Variants in DNAAF5 observed in about 807,000 individuals in gnomAD.
DNAAF5 encodes the protein HEAT repeat containing 2.
Under a neutral mutation model 75.8 loss-of-function variants are expected in DNAAF5, and 64 were observed. That is an observed-to-expected ratio of 0.84 (90% CI 0.69 to 1.04). DNAAF5 has a LOEUF of 1.04. Ranked by LOEUF, DNAAF5 falls within the 50% of genes least tolerant of loss-of-function variation. The pLI is 0.00. For missense variants in DNAAF5, 1,269 were observed against 1,178.5 expected (o/e 1.08, Z -1.12); for synonymous variants, 657 against 557.2 (o/e 1.18, Z -2.52).
At chr7:781,995 G>C (rs1189573338) in intron 12 of DNAAF5, among the ~76,000 whole-genome samples, 2 of 152,244 alleles carry the variant, frequency 1.3e-5, no homozygotes, top group African/African-American at 4.8e-5. Context: ...TGGAAGCTTT[G>C]GGCCTGGATG....
At position 779,895 on chromosome 7, in the gene DNAAF5, G is replaced by T. The variant is rs543204402; in HGVS notation, c.2240-58G>T. ...GTATGAACTAAATGCCTTTGTGGAC[G>T]TTTAGACGTGAAATGTCTGCTCTAG... On this transcript the variant is annotated intron_variant, in intron 11 of 12. Transcript: ENST00000297440. 5 of 1,475,940 alleles carry T rather than the reference G, an allele frequency of 3.4e-6. No individual in the cohort carries two copies. The South Asian group carries it at 6.2e-5, about 18-fold the overall frequency. The allele number at this position is 1,475,940 out of a possible 1,614,324, so 91.4% of individuals were successfully genotyped here. A position where few individuals can be genotyped will look rare whatever the true frequency, so the allele number is the denominator to read the frequency against.
rs1004087306 is a variant in DNAAF5, at chr7:777,390, T to G, written c.2239+2228T>G. On this transcript the variant is annotated intron_variant, in intron 11 of 12. Coordinates refer to ENST00000297440, the MANE Select transcript of DNAAF5 (RefSeq NM_017802.4). ...CAAAGTTACCTTTATTGAGGCGTGT[T>G]TAAGATCCTCAAAAAGCTAAAAGAA... is the stretch of plus-strand genomic sequence containing the variant. Among the ~76,000 whole-genome samples the G allele has an allele frequency of 3.3e-5, 5 of 152,092 alleles. No individual in the cohort carries two copies. The South Asian group carries it at 1.0e-3, about 32-fold the overall frequency.
intron 12 of DNAAF5, among the ~76,000 whole-genome samples, chr7:782,906 C>T (rs1279296900): frequency 1.3e-5 from 2 of 152,248 alleles, no homozygotes; most frequent in Non-Finnish European, 2.9e-5. Context: ...CTCGATCTTC[C>T]TGGCGTGGCC....
At chr7:738,261 A>G (rs1781796369) in intron 2 of DNAAF5, among the ~76,000 whole-genome samples, 1 of 152,074 alleles carries the variant, frequency 6.6e-6, no homozygotes, top group Non-Finnish European at 1.5e-5. Flanking sequence ...TTTCTGCTTG[A>G]TGCTTTTTAA....
In DNAAF5 at chr7:756,897, C is replaced by T; in HGVS notation, c.1373C>T (p.Ser458Phe). 1 of 1,612,932 alleles carries T rather than the reference C, an allele frequency of 6.2e-7. No individual in the cohort carries two copies. ...PSASGLLVLA[S>F]AMRGCPREAL... ...GCCTCCGGCCTCCTGGTGCTGGCCT[C>T]CGCCATGCGGGGTTGCCCCCGAGAA... The change falls in exon 6 of 13, where the codon TCC (serine) becomes TTC (phenylalanine). Residue 458 changes from serine (S) to phenylalanine (F), a missense_variant. Physicochemically the swap from Ser to Phe is radical, Grantham distance 155. Coordinates refer to ENST00000297440, the MANE Select transcript of DNAAF5 (RefSeq NM_017802.4).
At chr7:745,011 G>C (rs934144856) in intron 4 of DNAAF5, among the ~76,000 whole-genome samples, 1 of 152,172 alleles carries the variant, frequency 6.6e-6, no homozygotes, top group Non-Finnish European at 1.5e-5. Context: ...AATCCCACGC[G>C]TGCTGTGGTG....
At chr7:765,075 T>G (rs1475279843) in intron 8 of DNAAF5, among the ~76,000 whole-genome samples, 1 of 152,228 alleles carries the variant, frequency 6.6e-6, no homozygotes, top group Admixed American at 6.5e-5. Context: ...GAGCTGTGAC[T>G]GCACTGCTGC....
At chr7:775,185 A>G in intron 11 of DNAAF5, 23 bp downstream of exon 11, 1 of 1,612,330 alleles carries the variant, frequency 6.2e-7, no homozygotes, top group Middle Eastern at 1.7e-4. Context: ...TGTTGTTCAC[A>G]GCCTGTGTAT....
chr7:768,095 C>T (rs1411010860), intron 8 of DNAAF5, among the ~76,000 whole-genome samples: 2 of 140,874 alleles, frequency 1.4e-5, no homozygotes, highest in Non-Finnish European at 3.0e-5. Flanking sequence ...CGGGAGCTCG[C>T]GCTGGGAGCG....
At chr7:751,974 C>T (rs538666993) in intron 4 of DNAAF5, among the ~76,000 whole-genome samples, 3 of 152,174 alleles carry the variant, frequency 2.0e-5, no homozygotes, top group Non-Finnish European at 4.4e-5. Flanking sequence ...GCAAAGGACC[C>T]ACAGCTGCCG....
chr7:785,719 C>T lies in DNAAF5; in HGVS notation c.*66C>T. ...GAGCCAGAGTTTGTGGCCTTTAAAT[C>T]TCATAAACAAGGCACCTCTGTGCCA... On this transcript the variant is annotated 3_prime_UTR_variant, in exon 13 of 13. Transcript: ENST00000297440. 4 of 1,571,466 alleles carry T rather than the reference C, an allele frequency of 2.5e-6. No homozygotes were observed. Among genetic ancestry groups the T allele is most frequent in the Non-Finnish European group, 3.5e-6 (4 of 1,155,972 alleles).
chr7:746,414 C>CCCTGTCCAGCG (rs1782109291), intron 4 of DNAAF5, among the ~76,000 whole-genome samples: 1 of 80,272 alleles, frequency 1.2e-5, no homozygotes, highest in African/African-American at 6.6e-5. Flanking sequence ...TACCGTCCTG[C>CCCTGTCCAGCG]TGCCCCCCAC....
At chr7:734,830 T>G (rs961726626) in intron 2 of DNAAF5, among the ~76,000 whole-genome samples, 7 of 152,258 alleles carry the variant, frequency 4.6e-5, no homozygotes, top group African/African-American at 1.7e-4. Context: ...TATCCATTTC[T>G]TCTAGGTTTT....
At chr7:770,703 CA>C (rs1778530416) in intron 9 of DNAAF5, 85 bp downstream of exon 9, 2 of 1,311,744 alleles carry the variant, frequency 1.5e-6, no homozygotes, top group African/African-American at 2.9e-5. Flanking sequence ...GCTCACTGAG[CA>C]AGGGGGTTCC....
chr7:785,630 C>G lies in DNAAF5; in HGVS notation c.2545C>G (p.Gln849Glu), dbSNP rs1233386407. The G allele has an allele frequency of 1.9e-6, 3 of 1,612,960 alleles. No homozygotes were observed. The highest frequency in any genetic ancestry group is 1.7e-6 in the Non-Finnish European group (2 of 1,179,988). Residue 849 changes from glutamine to glutamate, a missense_variant, in exon 13 of 13, where the codon CAG becomes GAG. Gln to Glu is a conservative substitution (Grantham distance 29). Coordinates refer to ENST00000297440, the MANE Select transcript of DNAAF5 (RefSeq NM_017802.4). ...CTGCGAGCAGCTCCTGCAGCATGTG[C>G]AGGCCGTGCCAGCCACACAGTGACC... Reference protein sequence around the residue: ...TYCEQLLQHVQAVPATQ With the variant: ...TYCEQLLQHVEAVPATQ
chr7:739,325 C>A (rs776130678), intron 2 of DNAAF5, among the ~76,000 whole-genome samples: 1 of 152,138 alleles, frequency 6.6e-6, no homozygotes, highest in African/African-American at 2.4e-5. Context: ...GTGGCAGGTG[C>A]GGCCGTGGCA....
rs1236507476 is a variant in DNAAF5, at chr7:743,931, T to TTTTTA, written c.1024+2479_1024+2483dup. ...TTATTTTTTTATTATTTATTATTTA[T>TTTTTA]TTTTATTTTATTTTATTATTATTAT... On this transcript the variant is annotated intron_variant, in intron 4 of 12. Transcript: ENST00000297440. Among the ~76,000 whole-genome samples, 6 of 150,416 alleles carry TTTTTA rather than the reference T, an allele frequency of 4.0e-5. No individual in the cohort carries two copies. In the South Asian group the frequency reaches 6.2e-4, roughly 16 times the overall value.
At chr7:732,204 T>C (rs1217116356) in intron 2 of DNAAF5, among the ~76,000 whole-genome samples, 1 of 152,130 alleles carries the variant, frequency 6.6e-6, no homozygotes, top group Non-Finnish European at 1.5e-5. Context: ...GTGTCTGAAG[T>C]TGTGGAAAGG....
Position 775,098 on chromosome 7 carries a change from CA to C in DNAAF5, c.2177del (p.Asn726ThrfsTer4). ...MTRLISCRII[N>X]TFLKTSGGMT... ...CGCGACTGATCTCATGCCGTATTATCAACACGTTCTTAAAAACCTCGGGCGG... is the reference window on the plus strand; with the variant it reads ...CGCGACTGATCTCATGCCGTATTATCACACGTTCTTAAAAACCTCGGGCGG... On this transcript the variant is annotated frameshift_variant, in exon 11 of 13. Transcript: ENST00000297440. LOFTEE classifies it high-confidence loss of function. 1 of 1,614,072 alleles carries C rather than the reference CA, an allele frequency of 6.2e-7. No homozygotes were observed. The highest frequency in any genetic ancestry group is 8.5e-7 in the Non-Finnish European group (1 of 1,179,994).
Sources: allele counts gnomAD v4.1 joint callset (sites outside exome capture counted in the v4.1 genomes callset), GRCh38; gene constraint gnomAD v4.1.1; transcripts MANE v1.5; gene names NCBI Gene and HGNC (gene_info 2026-07-23, HGNC 2026-07-21).